PRMT9: variants seen among roughly 807,000 people sequenced by gnomAD.
The protein encoded by PRMT9 is protein arginine methyltransferase 9.
A neutral mutation model predicts 83.2 loss-of-function variants in PRMT9; 59 were observed. That is an observed-to-expected ratio of 0.71 (90% CI 0.57 to 0.88). The LOEUF is 0.88. Among genes scored for constraint, PRMT9 ranks in the 40% least tolerant of loss-of-function variants. PRMT9 has a pLI of 0.00. For missense variants in PRMT9, 947 were observed against 1,021.9 expected (o/e 0.93, Z 1.00); for synonymous variants, 333 against 353.2 (o/e 0.94, Z 0.64).
In PRMT9 at chr4:147,673,006, T is replaced by TA. The variant is rs868349857; in HGVS notation, c.695dup (p.Leu232PhefsTer7). 1 of 1,613,900 alleles carries TA rather than the reference T, an allele frequency of 6.2e-7. No individual in the cohort carries two copies. Among genetic ancestry groups the TA allele is most frequent in the Non-Finnish European group, 8.5e-7 (1 of 1,179,910 alleles). On this transcript the variant is annotated frameshift_variant, in exon 4 of 12. Coordinates refer to ENST00000322396, the MANE Select transcript of PRMT9 (RefSeq NM_138364.4). LOFTEE classifies it high-confidence loss of function. Reference sequence around the variant, plus strand: ...TCTCTATGTCAAGTGACTTCGTATGTAAGAGTTTGATCCCTGCTTCCATCT... The same window carrying TA: ...TCTCTATGTCAAGTGACTTCGTATGTAAAGAGTTTGATCCCTGCTTCCATCT...
intron 1 of PRMT9, among the ~76,000 whole-genome samples, chr4:147,681,348 C>A (rs1169225744): frequency 3.3e-5 from 5 of 152,216 alleles, no homozygotes. Context: ...CATCTCCCTC[C>A]ATCCATTCTC....
chr4:147,684,139 C>A lies in PRMT9; in HGVS notation c.-152G>T. The stretch of plus-strand genomic sequence containing the variant: ...CGCGGGTGAACTCGCCAACCCCAGC[C>A]CAGGCGGAAGCTCCGCCCCGTCCTG... On this transcript the variant is annotated 5_prime_UTR_variant, in exon 1 of 12. Coordinates refer to ENST00000322396, the MANE Select transcript of PRMT9 (RefSeq NM_138364.4). 1 of 911,064 alleles carries A rather than the reference C, an allele frequency of 1.1e-6. No individual in the cohort carries two copies. Among genetic ancestry groups the A allele is most frequent in the South Asian group, 1.5e-5 (1 of 66,658 alleles). 56.4% of individuals were successfully genotyped at this position (911,064 alleles called of 1,614,324 possible).
Position 147,657,730 on chromosome 4 carries a change from A to C in PRMT9, c.1330+62T>G. On this transcript the variant is annotated intron_variant, in intron 8 of 11. Transcript: ENST00000322396. ...TATCCAAAGTAATTTTTTTTTTGCC[A>C]CTGACTTGAATACTTAGAAGATTAA... is the stretch of plus-strand genomic sequence containing the variant. 2.3e-6 allele frequency: 3 copies of C among 1,304,434 alleles called. No homozygotes were observed. The South Asian group carries it at 3.8e-5, about 17-fold the overall frequency. 80.8% of individuals were successfully genotyped at this position (1,304,434 alleles called of 1,614,324 possible). A position where few individuals can be genotyped will look rare whatever the true frequency, so the allele number is the denominator to read the frequency against.
rs1733541763 is a variant in PRMT9, at chr4:147,643,431, G to A, written c.2046-491C>T. 2.0e-5 allele frequency among the ~76,000 whole-genome samples: 3 copies of A among 152,122 alleles called. No individual in the cohort carries two copies. In the South Asian group the frequency reaches 6.2e-4, roughly 32 times the overall value. On this transcript the variant is annotated intron_variant, in intron 9 of 11. Coordinates refer to ENST00000322396, the MANE Select transcript of PRMT9 (RefSeq NM_138364.4). ...GGTATTTCAGAATAGTAAACCACTA[G>A]AAATAATTTCCCAAGTCAAAGTAAC...
Position 147,683,735 on chromosome 4 carries a change from G to GTAT in PRMT9, c.189+63_189+64insATA. The GTAT allele has an allele frequency of 6.3e-4, 527 of 837,462 alleles. 3 individuals carry two copies. Among genetic ancestry groups the GTAT allele is most frequent in the Middle Eastern group, 8.1e-4 (2 of 2,460 alleles). 51.9% of individuals were successfully genotyped at this position (837,462 alleles called of 1,614,324 possible). ...AGCCCCTCCGCTTTTTTTTTTTTCT[G>GTAT]TTTTTTTTTTTTTTTTTACGAGGAC... On this transcript the variant is annotated intron_variant, in intron 1 of 11. Transcript: ENST00000322396.
chr4:147,670,785 AT>A lies in PRMT9; in HGVS notation c.744-43del, dbSNP rs1735677016. The A allele has an allele frequency of 4.0e-6, 5 of 1,246,990 alleles. No homozygotes were observed. The East Asian group carries it at 1.2e-4, about 29-fold the overall frequency. 77.2% of individuals were successfully genotyped at this position (1,246,990 alleles called of 1,614,324 possible). On this transcript the variant is annotated intron_variant, in intron 4 of 11. Transcript: ENST00000322396. ...TAAAGATATATGTAAGTAAAATATC[AT>A]GCTATTATATAAAGATGTCAAAGCT...
intron 7 of PRMT9, among the ~76,000 whole-genome samples, chr4:147,658,274 T>G (rs1371156404): frequency 6.6e-6 from 1 of 151,858 alleles, no homozygotes; most frequent in Non-Finnish European, 1.5e-5. Flanking sequence ...GTGGAGATTG[T>G]TTTGTTTAGA....
At chr4:147,650,262 T>C (rs1320960811) in intron 9 of PRMT9, among the ~76,000 whole-genome samples, 2 of 152,194 alleles carry the variant, frequency 1.3e-5, no homozygotes, top group Admixed American at 1.3e-4. Context: ...ATATGTCATA[T>C]ATAGAAAACT....
rs1281672087 is a variant in PRMT9 at position 147,657,840 on chromosome 4, C to T, written c.1282G>A (p.Glu428Lys). 8.1e-6 allele frequency: 13 copies of T among 1,611,524 alleles called. No individual in the cohort carries two copies. The highest frequency in any genetic ancestry group is 1.0e-5 in the Non-Finnish European group (12 of 1,179,626). The change falls in exon 8 of 12, where the codon GAG (glutamate) becomes AAG (lysine). Residue 428 changes from glutamate (E) to lysine (K), a missense_variant. By Grantham distance (56) the Glu-to-Lys change is moderately conservative. Coordinates refer to ENST00000322396, the MANE Select transcript of PRMT9 (RefSeq NM_138364.4). ...DEHSLSTSPS[E>K]ETCWEQAVYP... Reference sequence around the variant, plus strand: ...ACAGCCTGTTCCCAACATGTTTCCTCACTAGGACTTGTGGATAAACTATGT... The same window carrying T: ...ACAGCCTGTTCCCAACATGTTTCCTTACTAGGACTTGTGGATAAACTATGT...
intron 6 of PRMT9, among the ~76,000 whole-genome samples, chr4:147,662,698 C>T (rs183018932): frequency 7.9e-5 from 12 of 152,080 alleles, no homozygotes; most frequent in African/African-American, 2.2e-4. Context: ...ACTTGGGAGG[C>T]TGAAGCAGGA....
chr4:147,651,192 A>G (rs1425597434), intron 9 of PRMT9, among the ~76,000 whole-genome samples: 1 of 152,136 alleles, frequency 6.6e-6, no homozygotes, highest in Non-Finnish European at 1.5e-5. Flanking sequence ...AATATACAAA[A>G]ACATGTATAT....
chr4:147,683,735 G>GTTT, intron 1 of PRMT9, 64 bp downstream of exon 1: 4 of 837,776 alleles, frequency 4.8e-6, no homozygotes, highest in African/African-American at 2.1e-5. Flanking sequence ...TTTTTTTTCT[G>GTTT]TTTTTTTTTT....
chr4:147,674,438 A>T (rs940180026), intron 2 of PRMT9, among the ~76,000 whole-genome samples: 4 of 152,248 alleles, frequency 2.6e-5, no homozygotes, highest in African/African-American at 7.2e-5. Context: ...AGAAAATCAA[A>T]GGCAAGTCAC....
At chr4:147,662,552 G>A (rs906301754) in intron 6 of PRMT9, among the ~76,000 whole-genome samples, 2 of 152,188 alleles carry the variant, frequency 1.3e-5, no homozygotes, top group African/African-American at 4.8e-5. Context: ...TGTAATCCCA[G>A]TACTTTGGGA....
chr4:147,683,800 T>A lies in PRMT9; in HGVS notation c.188A>T (p.Lys63Met), dbSNP rs774496946. ...SLAPELKHDV[K>M]ETFQYTLFRW... ...CAAGTGAGAAAAAAGGACCCTCACC[T>A]TCACGTCGTGTTTCAGCTCCGGCGC... Residue 63 changes from lysine to methionine, a missense_variant and splice_region_variant, in exon 1 of 12, where the codon AAG (lysine) becomes ATG (methionine). By Grantham distance (95) the Lys-to-Met change is moderately conservative. Coordinates refer to ENST00000322396, the MANE Select transcript of PRMT9 (RefSeq NM_138364.4). The A allele has an allele frequency of 1.3e-6, 2 of 1,488,942 alleles. No individual in the cohort carries two copies. Among genetic ancestry groups the A allele is most frequent in the South Asian group, 2.2e-5 (2 of 89,518 alleles). 92.2% of individuals were successfully genotyped at this position (1,488,942 alleles called of 1,614,324 possible).
chr4:147,680,936 G>A (rs1736426484), intron 1 of PRMT9, among the ~76,000 whole-genome samples: 1 of 152,118 alleles, frequency 6.6e-6, no homozygotes, highest in South Asian at 2.1e-4. Context: ...ATTTCAACCC[G>A]GCAATGGATC....
chr4:147,670,553 ATT>A (rs1187128600), intron 5 of PRMT9, 86 bp downstream of exon 5: 1 of 945,842 alleles, frequency 1.1e-6, no homozygotes, highest in African/African-American at 1.6e-5. Flanking sequence ...TATATTTCAT[ATT>A]GTTTTGTAAA....
At chr4:147,679,474 G>A (rs777529140) in intron 2 of PRMT9, among the ~76,000 whole-genome samples, 13 of 151,964 alleles carry the variant, frequency 8.6e-5, no homozygotes, top group Non-Finnish European at 1.8e-4. Context: ...GAGGCCAGGC[G>A]CAGTGGCTCA....
chr4:147,682,655 G>C (rs145942541), intron 1 of PRMT9, among the ~76,000 whole-genome samples: 4 of 152,212 alleles, frequency 2.6e-5, no homozygotes, highest in African/African-American at 9.6e-5. Context: ...GAGAGGCTGC[G>C]TCCCTGTTTC....
Sources: gnomAD v4.1 joint callset for allele counts (sites outside exome capture counted in the v4.1 genomes callset) on GRCh38, gnomAD v4.1.1 for gene constraint, MANE v1.5 for transcripts, NCBI Gene and HGNC (gene_info 2026-07-23, HGNC 2026-07-21) for gene names.